The following PLCH1 variants were observed in gnomAD, a reference collection of about 807,000 sequenced individuals.
PLCH1 encodes phospholipase C eta 1.
In PLCH1, 60 loss-of-function variants were observed where a neutral mutation model predicts 126.7. The ratio of observed to expected loss-of-function variants is 0.47; its 90% CI spans 0.38 to 0.59. PLCH1 has a LOEUF of 0.59. Among genes scored for constraint, PLCH1 ranks in the 20% least tolerant of loss-of-function variants. The pLI is 0.00. For synonymous variants in PLCH1, 719 were observed against 734.9 expected, an observed-to-expected ratio of 0.98 and a Z score of 0.35; for missense variants, 1,723 against 2,040.0, an observed-to-expected ratio of 0.84 and a Z score of 2.99.
intron 4 of PLCH1, among the ~76,000 whole-genome samples, chr3:155,592,091 G>T (rs1466501502): frequency 1.3e-5 from 2 of 151,092 alleles, no homozygotes; most frequent in Admixed American, 6.6e-5. Flanking sequence ...GATTGGTTTA[G>T]GAATGAGGCA....
chr3:155,536,149 C>G (rs751648744), intron 10 of PLCH1, among the ~76,000 whole-genome samples: 3 of 152,228 alleles, frequency 2.0e-5, no homozygotes, highest in Non-Finnish European at 4.4e-5. Flanking sequence ...GAAGACCACC[C>G]TGTGGGACAA....
intron 5 of PLCH1, 73 bp from the exon 6 acceptor site, chr3:155,583,715 T>A (rs769669655): frequency 1.8e-6 from 2 of 1,087,578 alleles, no homozygotes; most frequent in Non-Finnish European, 2.6e-6. Context: ...GAAATAATAT[T>A]TACTATAAAA....
Position 155,703,590 on chromosome 3 carries a change from T to C in PLCH1, c.79+556A>G, listed in dbSNP as rs1157443300. ...TCACAGCTGCAGTCCTCCACCCTGA[T>C]AGTAACGGTTTAGTGCTGCAAACTC... On this transcript the variant is annotated intron_variant, in intron 2 of 22. Coordinates refer to ENST00000460012, the MANE Select transcript of PLCH1 (RefSeq NM_014996.4). 2.0e-5 allele frequency among the ~76,000 whole-genome samples: 3 copies of C among 152,246 alleles called. No individual in the cohort carries two copies. In the South Asian group the frequency reaches 6.2e-4, roughly 31 times the overall value.
At chr3:155,619,574 A>C (rs1429649833) in intron 2 of PLCH1, among the ~76,000 whole-genome samples, 1 of 152,092 alleles carries the variant, frequency 6.6e-6, no homozygotes, top group African/African-American at 2.4e-5. Context: ...AGAGAGTTCC[A>C]AATCCCCTGT....
intron 5 of PLCH1, among the ~76,000 whole-genome samples, chr3:155,585,070 T>A (rs977830169): frequency 1.0e-3 from 152 of 152,096 alleles, no homozygotes; most frequent in Non-Finnish European, 1.5e-4. Flanking sequence ...ATACAGCAAA[T>A]CTCATTCCTT....
intron 2 of PLCH1, among the ~76,000 whole-genome samples, chr3:155,701,742 A>T (rs2109075624): frequency 6.6e-6 from 1 of 152,318 alleles, no homozygotes; most frequent in East Asian, 1.9e-4. Flanking sequence ...AGACATTACC[A>T]CTAGAGCTCC....
intron 12 of PLCH1, 77 bp from the exon 13 acceptor site, chr3:155,504,703 A>G: frequency 1.1e-6 from 1 of 945,090 alleles, no homozygotes; most frequent in African/African-American, 1.6e-5. Flanking sequence ...TGGAATAGCA[A>G]GGGGGCCCTC....
chr3:155,627,209 T>C (rs533991360), intron 2 of PLCH1, among the ~76,000 whole-genome samples: 1 of 152,354 alleles, frequency 6.6e-6, no homozygotes, highest in African/African-American at 2.4e-5. Flanking sequence ...ACATGCATTT[T>C]GACCTTGCAA....
chr3:155,545,218 C>A (rs1398263406), intron 10 of PLCH1, among the ~76,000 whole-genome samples: 5 of 150,382 alleles, frequency 3.3e-5, no homozygotes, highest in Non-Finnish European at 6.0e-5. Flanking sequence ...CACCACTGAT[C>A]CCACAGAAAT....
At chr3:155,589,441 G>T (rs1447781703) in intron 4 of PLCH1, among the ~76,000 whole-genome samples, 1 of 151,922 alleles carries the variant, frequency 6.6e-6, no homozygotes, top group East Asian at 1.9e-4. Context: ...TTTTTCTTTT[G>T]ATTTTTTTTA....
intron 2 of PLCH1, among the ~76,000 whole-genome samples, chr3:155,608,277 T>C (rs1220659485): frequency 6.6e-6 from 1 of 152,198 alleles, no homozygotes; most frequent in African/African-American, 2.4e-5. Context: ...AGCTTCTAGC[T>C]GAACTTTATA....
intron 2 of PLCH1, among the ~76,000 whole-genome samples, chr3:155,694,041 T>C (rs191562942): frequency 6.6e-6 from 1 of 152,358 alleles, no homozygotes; most frequent in African/African-American, 2.4e-5. Flanking sequence ...ACTGTATTTC[T>C]ATCCATGTCC....
intron 1 of PLCH1, among the ~76,000 whole-genome samples, chr3:155,712,210 A>C (rs1352640328): frequency 6.6e-6 from 1 of 152,136 alleles, no homozygotes; most frequent in African/African-American, 2.4e-5. Flanking sequence ...CTCACAGGGG[A>C]CCTTGGGCAA....
chr3:155,470,015 A>G (rs1207023304), intron 21 of PLCH1, among the ~76,000 whole-genome samples: 16 of 152,300 alleles, frequency 1.1e-4, no homozygotes, highest in East Asian at 3.9e-4. Context: ...AAAACGCAGA[A>G]CGCCTCTCCT....
intron 1 of PLCH1, among the ~76,000 whole-genome samples, chr3:155,712,133 C>CA (rs1167067014): frequency 2.0e-5 from 3 of 152,206 alleles, no homozygotes; most frequent in African/African-American, 7.2e-5. Context: ...GTCAGCATAG[C>CA]AAAATGTAAA....
At chr3:155,696,240 T>G (rs950627121) in intron 2 of PLCH1, among the ~76,000 whole-genome samples, 4 of 152,174 alleles carry the variant, frequency 2.6e-5, no homozygotes, top group African/African-American at 7.2e-5. Context: ...GAATGAGCCC[T>G]AAGAAAATAT....
intron 2 of PLCH1, among the ~76,000 whole-genome samples, chr3:155,681,478 C>A (rs1744532242): frequency 6.6e-6 from 1 of 152,288 alleles, no homozygotes; most frequent in South Asian, 2.1e-4. Flanking sequence ...CTGTGATAGA[C>A]CTGGGCTTTG....
At chr3:155,724,725 T>C (rs1345432320) in intron 1 of PLCH1, among the ~76,000 whole-genome samples, 1 of 152,100 alleles carries the variant, frequency 6.6e-6, no homozygotes, top group Non-Finnish European at 1.5e-5. Flanking sequence ...GTGGAGCATT[T>C]AGGCCATTTA....
intron 2 of PLCH1, among the ~76,000 whole-genome samples, chr3:155,667,536 T>TG (rs1559916534): frequency 6.6e-6 from 1 of 151,990 alleles, no homozygotes; most frequent in African/African-American, 2.4e-5. Context: ...AATAATGGCA[T>TG]GAAAAAACAC....
Sources: gnomAD v4.1 joint callset for allele counts (sites outside exome capture counted in the v4.1 genomes callset) on GRCh38, gnomAD v4.1.1 for gene constraint, MANE v1.5 for transcripts, NCBI Gene and HGNC (gene_info 2026-07-23, HGNC 2026-07-21) for gene names.